Variants in LSAMP observed in about 807,000 individuals in gnomAD.
LSAMP encodes limbic system-associated membrane protein.
In LSAMP, 7 loss-of-function variants were observed where a neutral mutation model predicts 38.6. The ratio of observed to expected loss-of-function variants is 0.18; its 90% CI spans 0.10 to 0.34. The LOEUF is 0.34. LSAMP is among the 10% of genes least tolerant of loss of function. The pLI is 1.00. For missense variants in LSAMP, 313 were observed against 420.0 expected (o/e 0.75, Z 2.23); for synonymous variants, 154 against 166.8 (o/e 0.92, Z 0.59).
At chr3:116,209,194 T>A (rs113813844) in intron 1 of LSAMP, among the ~76,000 whole-genome samples, 14,276 of 152,146 alleles carry the variant, frequency 0.094, 955 homozygotes, top group African/African-American at 0.19. Flanking sequence ...TTCTTTGACT[T>A]GGAAAGGGAA....
chr3:116,011,343 A>G (rs970972964), intron 3 of LSAMP, among the ~76,000 whole-genome samples: 2 of 152,202 alleles, frequency 1.3e-5, no homozygotes, highest in Admixed American at 1.3e-4. Context: ...AATAAGTTAT[A>G]CTGGTAAAAT....
At chr3:115,891,774 C>T (rs1375187563) in intron 3 of LSAMP, among the ~76,000 whole-genome samples, 2 of 151,878 alleles carry the variant, frequency 1.3e-5, no homozygotes, top group Non-Finnish European at 2.9e-5. Context: ...AGAGTTGTTG[C>T]CTCCCACCAT....
intron 3 of LSAMP, among the ~76,000 whole-genome samples, chr3:115,975,799 A>G (rs902792087): frequency 2.6e-5 from 4 of 152,064 alleles, no homozygotes; most frequent in South Asian, 2.1e-4. Flanking sequence ...TCTAGTCCCT[A>G]TCTCTTTCCT....
intron 1 of LSAMP, among the ~76,000 whole-genome samples, chr3:116,438,116 T>C (rs1042186529): frequency 6.8e-6 from 1 of 148,044 alleles, no homozygotes; most frequent in Non-Finnish European, 1.5e-5. Context: ...AACTCAACTA[T>C]ATCGTAAGAT....
intron 6 of LSAMP, chr3:115,816,683 A>T: frequency 8.2e-7 from 1 of 1,218,832 alleles, no homozygotes; most frequent in Non-Finnish European, 1.1e-6. Context: ...AAAAACAAAT[A>T]AAAAATCTTT....
At chr3:116,130,691 T>C (rs1312879193) in intron 1 of LSAMP, among the ~76,000 whole-genome samples, 1 of 152,212 alleles carries the variant, frequency 6.6e-6, no homozygotes, top group East Asian at 1.9e-4. Flanking sequence ...TTTAAGTATT[T>C]TGTAAATATA....
intron 1 of LSAMP, among the ~76,000 whole-genome samples, chr3:116,340,881 A>G (rs2047982727): frequency 6.6e-6 from 1 of 152,018 alleles, no homozygotes; most frequent in Non-Finnish European, 1.5e-5. Context: ...AACCACATCC[A>G]GTTGGGCAAT....
chr3:116,034,011 T>C (rs1940991690), intron 2 of LSAMP, among the ~76,000 whole-genome samples: 1 of 152,054 alleles, frequency 6.6e-6, no homozygotes, highest in African/African-American at 2.4e-5. Flanking sequence ...ACATTTGAGT[T>C]TCTATAGAAA....
intron 1 of LSAMP, among the ~76,000 whole-genome samples, chr3:116,147,910 C>G (rs190665195): frequency 9.5e-4 from 144 of 151,930 alleles, no homozygotes; most frequent in Non-Finnish European, 1.7e-3. Flanking sequence ...CCATTCTTTT[C>G]GTCTGGGTCT....
At chr3:116,279,196 G>C (rs1197102885) in intron 1 of LSAMP, among the ~76,000 whole-genome samples, 1 of 152,130 alleles carries the variant, frequency 6.6e-6, no homozygotes, top group Admixed American at 6.5e-5. Flanking sequence ...GAGAGAGTGA[G>C]AGAGCCTTCT....
At chr3:115,856,909 G>T (rs1935525879) in intron 3 of LSAMP, among the ~76,000 whole-genome samples, 1 of 152,220 alleles carries the variant, frequency 6.6e-6, no homozygotes, top group Admixed American at 6.5e-5. Context: ...TAGAGTCATT[G>T]TCAGCACTTC....
intron 1 of LSAMP, among the ~76,000 whole-genome samples, chr3:116,094,336 C>CCCTG (rs1559740222): frequency 3.3e-5 from 5 of 152,262 alleles, no homozygotes; most frequent in African/African-American, 1.2e-4. Context: ...CACACCTGAC[C>CCCTG]TCTGGTTGGA....
chr3:116,297,765 T>C (rs1197147030), intron 1 of LSAMP, among the ~76,000 whole-genome samples: 2 of 152,196 alleles, frequency 1.3e-5, no homozygotes, highest in Non-Finnish European at 2.9e-5. Flanking sequence ...TTGTATGTAA[T>C]AAAAATAAAA....
At chr3:116,033,580 A>G (rs1219734516) in intron 2 of LSAMP, among the ~76,000 whole-genome samples, 2 of 152,104 alleles carry the variant, frequency 1.3e-5, no homozygotes, top group South Asian at 2.1e-4. Flanking sequence ...GAGCTGATCA[A>G]TTCTCACAAA....
chr3:115,922,955 G>T (rs556039789), intron 3 of LSAMP, among the ~76,000 whole-genome samples: 1 of 152,260 alleles, frequency 6.6e-6, no homozygotes, highest in Admixed American at 6.5e-5. Context: ...TCCAAAGTAT[G>T]CTGACTTTCT....
chr3:116,114,948 C>A (rs1708709246), intron 1 of LSAMP, among the ~76,000 whole-genome samples: 1 of 152,150 alleles, frequency 6.6e-6, no homozygotes, highest in African/African-American at 2.4e-5. Context: ...CTCTTAGAAT[C>A]TAGAATAATT....
intron 3 of LSAMP, among the ~76,000 whole-genome samples, chr3:115,859,719 C>A (rs1351268814): frequency 1.3e-5 from 2 of 152,298 alleles, no homozygotes; most frequent in East Asian, 1.9e-4. Flanking sequence ...TGGGATTATT[C>A]TTCCTGGCAT....
chr3:116,039,422 G>C (rs1423588972), intron 2 of LSAMP, among the ~76,000 whole-genome samples: 1 of 152,170 alleles, frequency 6.6e-6, no homozygotes, highest in Non-Finnish European at 1.5e-5. Context: ...CACTCTGTGA[G>C]AGTACATTTA....
At chr3:115,958,531 G>T (rs1938526354) in intron 3 of LSAMP, among the ~76,000 whole-genome samples, 2 of 152,108 alleles carry the variant, frequency 1.3e-5, no homozygotes, top group Admixed American at 6.5e-5. Flanking sequence ...AGGAGAAAAT[G>T]GAGGTTGATA....
Sources: allele counts gnomAD v4.1 joint callset (sites outside exome capture counted in the v4.1 genomes callset), GRCh38; gene constraint gnomAD v4.1.1; transcripts MANE v1.5; gene names NCBI Gene and HGNC (gene_info 2026-07-23, HGNC 2026-07-21).